Variants in PAPPA observed in about 807,000 individuals in gnomAD.
PAPPA encodes pappalysin-1.
PAPPA carries 60 observed loss-of-function variants against 164.0 expected under a neutral mutation model. That is an observed-to-expected ratio of 0.37 (90% CI 0.30 to 0.45). The LOEUF is 0.45. Ranked by LOEUF, PAPPA falls within the 20% of genes least tolerant of loss-of-function variation. PAPPA has a pLI of 1.00. For missense variants in PAPPA, 1,782 were observed against 2,087.3 expected (o/e 0.85, Z 2.85); for synonymous variants, 875 against 814.1 (o/e 1.07, Z -1.27).
At chr9:116,284,986 A>G (rs1294516446) in intron 9 of PAPPA, among the ~76,000 whole-genome samples, 1 of 151,976 alleles carries the variant, frequency 6.6e-6, no homozygotes, top group Non-Finnish European at 1.5e-5. Flanking sequence ...GGTGAGAGCA[A>G]GTTTCCTAAA....
chr9:116,236,218 C>A (rs1462414937), intron 7 of PAPPA, among the ~76,000 whole-genome samples: 1 of 151,970 alleles, frequency 6.6e-6, no homozygotes, highest in Non-Finnish European at 1.5e-5. Context: ...ATCCTTAGGG[C>A]CTTTGCAGCT....
At position 116,271,496 on chromosome 9, in the gene PAPPA, A is replaced by G; in HGVS notation, c.2953+80A>G. 1 of 961,682 alleles carries G rather than the reference A, an allele frequency of 1.0e-6. No homozygotes were observed. Among genetic ancestry groups the G allele is most frequent in the South Asian group, 1.3e-5 (1 of 75,996 alleles). 59.6% of individuals were successfully genotyped at this position (961,682 alleles called of 1,614,324 possible). ...GTTGGTCAATGATAATGCCAACAAT[A>G]GTTATGACTAAATGATGATTCACTC... On this transcript the variant is annotated intron_variant, in intron 9 of 21. Coordinates refer to ENST00000328252, the MANE Select transcript of PAPPA (RefSeq NM_002581.5). The surrounding 1 kb of genome is among the most constrained non-coding windows in gnomAD (Gnocchi z 4.2).
intron 1 of PAPPA, among the ~76,000 whole-genome samples, chr9:116,157,721 A>G (rs1843620458): frequency 6.6e-6 from 1 of 152,008 alleles, no homozygotes; most frequent in African/African-American, 2.4e-5. Context: ...CATAAACACC[A>G]TCACCTCTCA....
intron 3 of PAPPA, among the ~76,000 whole-genome samples, chr9:116,207,881 C>A (rs989276694): frequency 1.3e-5 from 2 of 152,178 alleles, no homozygotes; most frequent in African/African-American, 4.8e-5. Flanking sequence ...CAACATCACA[C>A]GCAAGACAGT....
intron 1 of PAPPA, among the ~76,000 whole-genome samples, chr9:116,186,107 C>T (rs950117338): frequency 6.6e-6 from 1 of 152,016 alleles, no homozygotes; most frequent in Non-Finnish European, 1.5e-5. Context: ...CAGACCTTAG[C>T]ACAATGCCTG....
chr9:116,318,364 C>T (rs1342342017), intron 10 of PAPPA: 2 of 151,994 alleles, frequency 1.3e-5, no homozygotes, highest in African/African-American at 4.8e-5. Context: ...GGTCCATTTT[C>T]TTCATGTGGA....
At chr9:116,339,079 AAT>A (rs2118965112) in intron 13 of PAPPA, among the ~76,000 whole-genome samples, 1 of 152,306 alleles carries the variant, frequency 6.6e-6, no homozygotes, top group South Asian at 2.1e-4. Flanking sequence ...AGTTCTCAGG[AAT>A]CCAGTTATCT....
chr9:116,206,352 G>A (rs530037420), intron 2 of PAPPA, among the ~76,000 whole-genome samples: 52 of 152,274 alleles, frequency 3.4e-4, no homozygotes, highest in African/African-American at 1.2e-3. Flanking sequence ...CTAGATCTCA[G>A]ACGTATCCTA....
intron 10 of PAPPA, among the ~76,000 whole-genome samples, chr9:116,322,759 A>G (rs1033488696): frequency 6.6e-6 from 1 of 151,696 alleles, no homozygotes; most frequent in Non-Finnish European, 1.5e-5. Context: ...AAGGAGAAAT[A>G]TTGAGAAACA....
intron 7 of PAPPA, among the ~76,000 whole-genome samples, chr9:116,255,840 T>A (rs1844921166): frequency 6.6e-6 from 1 of 152,028 alleles, no homozygotes; most frequent in Non-Finnish European, 1.5e-5. Context: ...TCTAGCTACC[T>A]ACCTTAATAC....
Position 116,265,997 on chromosome 9 carries a change from TAATTA to T in PAPPA, c.2861+15_2861+19del. The T allele has an allele frequency of 6.3e-7, 1 of 1,591,812 alleles. No individual in the cohort carries two copies. The highest frequency in any genetic ancestry group is 8.6e-7 in the Non-Finnish European group (1 of 1,162,574). On this transcript the variant is annotated intron_variant, in intron 8 of 21. Coordinates refer to ENST00000328252, the MANE Select transcript of PAPPA (RefSeq NM_002581.5). ...GGCATTATACAAAAGTAAGTAGATC[TAATTA>T]AAGAAAGAAGAGGAGGGATGCTGGT...
At chr9:116,353,883 C>A in intron 17 of PAPPA, 90 bp downstream of exon 17, 2 of 906,886 alleles carry the variant, frequency 2.2e-6, no homozygotes, top group Non-Finnish European at 3.4e-6. Flanking sequence ...CCACTTTCTG[C>A]ACTTTTGTAA....
intron 20 of PAPPA, among the ~76,000 whole-genome samples, chr9:116,380,846 C>G (rs145249366): frequency 3.3e-5 from 5 of 152,204 alleles, no homozygotes; most frequent in East Asian, 3.8e-4. Context: ...GAATTTGGAA[C>G]AGAGAGGCAA....
In PAPPA at chr9:116,202,505, C is replaced by T. The variant is rs544880489; in HGVS notation, c.1479-4951C>T. On this transcript the variant is annotated intron_variant, in intron 2 of 21. Transcript: ENST00000328252. ...GCGCCTTGGCAATCAGGGCTGGGCT[C>T]CCTGAAATAGACATTCCAGGGGACC... is the stretch of plus-strand genomic sequence containing the variant. Among the ~76,000 whole-genome samples the T allele has an allele frequency of 8.5e-5, 13 of 152,218 alleles. No individual in the cohort carries two copies. The South Asian group carries it at 2.7e-3, about 32-fold the overall frequency.
At chr9:116,164,224 G>C (rs369281618) in intron 1 of PAPPA, among the ~76,000 whole-genome samples, 10 of 152,228 alleles carry the variant, frequency 6.6e-5, no homozygotes, top group African/African-American at 2.4e-4. Context: ...TTCCTTCAGA[G>C]GATCCCTGGA....
intron 1 of PAPPA, among the ~76,000 whole-genome samples, chr9:116,183,702 G>T (rs909383504): frequency 1.3e-5 from 2 of 152,186 alleles, no homozygotes; most frequent in African/African-American, 4.8e-5. Flanking sequence ...CTGCTTCAAG[G>T]TTCTCATTTC....
intron 2 of PAPPA, among the ~76,000 whole-genome samples, chr9:116,205,057 G>T: frequency 6.6e-6 from 1 of 151,036 alleles, no homozygotes; most frequent in Non-Finnish European, 1.5e-5. Context: ...CATCCACAGA[G>T]CTGTGTTGTT....
intron 13 of PAPPA, 69 bp from the exon 14 acceptor site, chr9:116,344,474 T>A: frequency 6.7e-7 from 1 of 1,495,396 alleles, no homozygotes; most frequent in Non-Finnish European, 9.1e-7. Context: ...CTCTTAGCCT[T>A]TATCTTCCAA....
intron 14 of PAPPA, 32 bp downstream of exon 14, chr9:116,344,743 T>G: frequency 6.3e-7 from 1 of 1,593,956 alleles, no homozygotes; most frequent in Non-Finnish European, 8.6e-7. Flanking sequence ...AGAGCCTCTC[T>G]GCAGCCCAGG....
Sources: gnomAD v4.1 joint callset for allele counts (sites outside exome capture counted in the v4.1 genomes callset) on GRCh38, gnomAD v4.1.1 for gene constraint, Gnocchi (gnomAD v3.1) non-coding constraint, MANE v1.5 for transcripts, NCBI Gene and HGNC (gene_info 2026-07-23, HGNC 2026-07-21) for gene names.